Variants in YES1 observed in about 807,000 individuals in gnomAD.
The protein encoded by YES1 is YES proto-oncogene 1, Src family tyrosine kinase, also known as tyrosine-protein kinase Yes.
YES1 carries 39 observed loss-of-function variants against 70.4 expected under a neutral mutation model. The observed-to-expected ratio is 0.55, with a 90% confidence interval of 0.43 to 0.72. YES1 has a LOEUF of 0.72. YES1 is among the 30% of genes least tolerant of loss of function. The probability of loss-of-function intolerance (pLI) is 0.00; values close to 1 mark genes in which losing one functional copy is unlikely to be tolerated. For missense variants in YES1, 495 were observed against 644.8 expected (o/e 0.77, Z 2.52); for synonymous variants, 198 against 218.6 (o/e 0.91, Z 0.83).
intron 10 of YES1, among the ~76,000 whole-genome samples, chr18:734,854 T>C (rs1378312142): frequency 6.6e-6 from 1 of 152,150 alleles, no homozygotes; most frequent in Non-Finnish European, 1.5e-5. Context: ...CTACTGGGTA[T>C]CTTCCCAAAG....
chr18:766,608 C>A (rs1904921395), intron 1 of YES1, among the ~76,000 whole-genome samples: 1 of 151,834 alleles, frequency 6.6e-6, no homozygotes, highest in Non-Finnish European at 1.5e-5. Context: ...ATTCTAATTT[C>A]TCATTCTAAT....
intron 1 of YES1, among the ~76,000 whole-genome samples, chr18:797,215 T>C (rs1906591433): frequency 6.6e-6 from 1 of 152,060 alleles, no homozygotes; most frequent in African/African-American, 2.4e-5. Flanking sequence ...GAGCAAGCAG[T>C]TCACCACAAG....
chr18:776,198 C>CTTTTTTTT (rs35743931), intron 1 of YES1, among the ~76,000 whole-genome samples: 1 of 146,350 alleles, frequency 6.8e-6, no homozygotes, highest in Non-Finnish European at 1.5e-5. Flanking sequence ...TATACTCGAT[C>CTTTTTTTT]TTTTTTTTTT....
At chr18:742,079 T>C (rs978976982) in intron 8 of YES1, among the ~76,000 whole-genome samples, 1 of 152,110 alleles carries the variant, frequency 6.6e-6, no homozygotes, top group Non-Finnish European at 1.5e-5. Context: ...GAGGGTGACA[T>C]AATTAGTGAC....
chr18:775,092 T>C (rs934264706), intron 1 of YES1: 3 of 152,232 alleles, frequency 2.0e-5, no homozygotes, highest in African/African-American at 7.2e-5. Context: ...ACTCAACCTT[T>C]CTGTGTCCCA....
At chr18:744,432 C>T (rs2080253996) in intron 6 of YES1, among the ~76,000 whole-genome samples, 2 of 151,536 alleles carry the variant, frequency 1.3e-5, no homozygotes, top group Middle Eastern at 6.8e-3. Flanking sequence ...CTCTGTCGCC[C>T]AGGATGGAGT....
intron 11 of YES1, among the ~76,000 whole-genome samples, chr18:727,440 C>A (rs906452000): frequency 3.9e-5 from 6 of 152,078 alleles, no homozygotes; most frequent in Non-Finnish European, 7.4e-5. Context: ...GTTTAGTGTA[C>A]CTAAATGTCA....
intron 1 of YES1, among the ~76,000 whole-genome samples, chr18:765,490 C>A (rs1485349670): frequency 6.6e-6 from 1 of 150,914 alleles, no homozygotes; most frequent in African/African-American, 2.4e-5. Flanking sequence ...CCTCCCGCTC[C>A]CCGGTTCAAG....
At position 755,425 on chromosome 18, in the gene YES1, T is replaced by A. The variant is rs181456250; in HGVS notation, c.271+1132A>T. Among the ~76,000 whole-genome samples the A allele has an allele frequency of 3.5e-3, 540 of 152,268 alleles. 4 individuals are homozygous for A. Among genetic ancestry groups the A allele is most frequent in the African/African-American group, 0.012 (510 of 41,556 alleles). ...CACCACACCTGGCTAATTTTTTTTG[T>A]ATTTTTAGTTGAGACAGTGTTTTGC... On this transcript the variant is annotated intron_variant, in intron 2 of 11. Transcript: ENST00000314574.
intron 1 of YES1, among the ~76,000 whole-genome samples, chr18:759,922 A>G (rs1904497434): frequency 7.6e-6 from 1 of 131,620 alleles, no homozygotes; most frequent in South Asian, 2.3e-4. Context: ...AAGTGTTCTC[A>G]TTGTTCAATT....
intron 1 of YES1, among the ~76,000 whole-genome samples, chr18:796,482 C>A (rs1906548779): frequency 6.6e-6 from 1 of 152,098 alleles, no homozygotes; most frequent in African/African-American, 2.4e-5. Flanking sequence ...TAGAAACAAA[C>A]AATTAGGCCG....
chr18:755,833 T>A (rs1468677511), intron 2 of YES1, among the ~76,000 whole-genome samples: 1 of 152,224 alleles, frequency 6.6e-6, no homozygotes, highest in Non-Finnish European at 1.5e-5. Flanking sequence ...AGCTATACTT[T>A]GTTACTTCAG....
intron 1 of YES1, among the ~76,000 whole-genome samples, chr18:794,141 A>G (rs1274221754): frequency 2.0e-5 from 3 of 152,222 alleles, no homozygotes; most frequent in Admixed American, 2.0e-4. Context: ...AACCTGACAG[A>G]TATCACTTAA....
chr18:776,232 C>T (rs1204427608), intron 1 of YES1, among the ~76,000 whole-genome samples: 1 of 149,930 alleles, frequency 6.7e-6, no homozygotes, highest in Non-Finnish European at 1.5e-5. Flanking sequence ...CTCCCTCTGT[C>T]GCCCAGGCTG....
At chr18:784,004 T>A (rs1036805714) in intron 1 of YES1, among the ~76,000 whole-genome samples, 1 of 152,200 alleles carries the variant, frequency 6.6e-6, no homozygotes, top group African/African-American at 2.4e-5. Flanking sequence ...TCCATTTCCT[T>A]ACATTAAGCA....
At chr18:743,237 A>G in intron 7 of YES1, 23 bp downstream of exon 7, 1 of 1,600,166 alleles carries the variant, frequency 6.2e-7, no homozygotes, top group Non-Finnish European at 8.5e-7. Context: ...CAATGACAGA[A>G]AACAAAAATT....
chr18:788,319 T>C (rs1380383253), intron 1 of YES1, among the ~76,000 whole-genome samples: 1 of 152,232 alleles, frequency 6.6e-6, no homozygotes, highest in Admixed American at 6.5e-5. Context: ...ATCATTTATA[T>C]TCAGCTTTTC....
intron 1 of YES1, among the ~76,000 whole-genome samples, chr18:757,702 A>G (rs1357527429): frequency 6.7e-6 from 1 of 149,756 alleles, no homozygotes; most frequent in African/African-American, 2.5e-5. Context: ...CACACCTGTA[A>G]TCCCAGCTAC....
rs1309941778 is a variant in YES1 at position 775,306 on chromosome 18, T to A, written c.-8-18471A>T. 3 of 152,268 alleles carry A rather than the reference T, an allele frequency of 2.0e-5. No homozygotes were observed. The East Asian group carries it at 5.8e-4, about 29-fold the overall frequency. 9.4% of individuals were successfully genotyped at this position (152,268 alleles called of 1,614,324 possible). A position where few individuals can be genotyped will look rare whatever the true frequency, so the allele number is the denominator to read the frequency against. On this transcript the variant is annotated intron_variant, in intron 1 of 11. Coordinates refer to ENST00000314574, the MANE Select transcript of YES1 (RefSeq NM_005433.4). ...AAATTTAAAAAAAGTTATTGAAATATAGTACAAAGAAAAATAAATGTACAA... is the reference window on the plus strand; with the variant it reads ...AAATTTAAAAAAAGTTATTGAAATAAAGTACAAAGAAAAATAAATGTACAA...
Sources: gnomAD v4.1 joint callset for allele counts (sites outside exome capture counted in the v4.1 genomes callset) on GRCh38, gnomAD v4.1.1 for gene constraint, MANE v1.5 for transcripts, NCBI Gene and HGNC (gene_info 2026-07-23, HGNC 2026-07-21) for gene names.